SP110: variants seen among roughly 807,000 people sequenced by gnomAD.
The protein encoded by SP110 is interferon-induced protein 41, 30kD.
SP110 carries 62 observed loss-of-function variants against 92.7 expected under a neutral mutation model. The observed-to-expected ratio is 0.67, with a 90% CI of 0.55 to 0.83. The LOEUF (loss-of-function observed/expected upper bound fraction) is 0.83, where lower values mean the gene tolerates loss of function less well. Among genes scored for constraint, SP110 ranks in the 40% least tolerant of loss-of-function variants. The probability of loss-of-function intolerance (pLI) is 0.00; values close to 1 mark genes in which losing one functional copy is unlikely to be tolerated. For missense variants in SP110, 793 were observed against 863.9 expected (o/e 0.92, Z 1.03); for synonymous variants, 273 against 305.3 (o/e 0.89, Z 1.10).
At chr2:230,169,372 C>T (rs2078372825) in intron 18 of SP110, 135 bp from the exon 19 acceptor site, 2 of 686,778 alleles carry the variant, frequency 2.9e-6, no homozygotes, top group African/African-American at 1.8e-5. Context: ...GCAGTGGCAC[C>T]GTCATGGCTC....
intron 6 of SP110, 48 bp from the exon 7 acceptor site, chr2:230,210,056 G>T: frequency 8.6e-7 from 1 of 1,164,158 alleles, no homozygotes. Flanking sequence ...CCAGTGAAGA[G>T]AAAGTGCTGA....
At chr2:230,224,662 T>A (rs1445082504), upstream of SP110, among the ~76,000 whole-genome samples, 2 of 152,346 alleles carry the variant, frequency 1.3e-5, no homozygotes, top group East Asian at 3.9e-4. Context: ...TCTTGCACTC[T>A]GTATTTTGCA....
chr2:230,179,399 G>C (rs1177072786), intron 12 of SP110, among the ~76,000 whole-genome samples: 1 of 151,222 alleles, frequency 6.6e-6, no homozygotes, highest in Non-Finnish European at 1.5e-5. Context: ...CTTGCATGGA[G>C]TGGCCAGCTC....
Position 230,172,844 on chromosome 2 carries a change from C to G in SP110, c.1706G>C (p.Arg569Thr), listed in dbSNP as rs747551994. 20 of 1,607,590 alleles carry G rather than the reference C, an allele frequency of 1.2e-5. No individual in the cohort carries two copies. In the East Asian group the frequency reaches 4.2e-4, roughly 34 times the overall value. The change falls in exon 15 of 19, where the codon AGG becomes ACG. Residue 569 changes from arginine to threonine, a missense_variant and splice_region_variant. Transcript: ENST00000258381. ...CGAGGCGGGGCTGCATCCCACTCAC[C>G]TCTTGGCTTCCACAGGGGGGATGTG... ...DCHIPPVEAK[R>T]MLWSCTFCRM...
rs760384835 is a variant in SP110 at position 230,171,750 on chromosome 2, G to C, written c.1833C>G (p.Leu611=). ...TTTGTGGATGACAGTAGGCCTTCAA[G>C]AGGAGGAACTCACATTTCTGTAAAA... ...PQDQLKCEFL[L]LKAYCHPQSS... Residue 611 remains leucine, a synonymous_variant, in exon 17 of 19, where the codon CTC becomes CTG. Coordinates refer to ENST00000258381, the MANE Select transcript of SP110 (RefSeq NM_080424.4). The C allele has an allele frequency of 6.2e-7, 1 of 1,613,100 alleles. No individual in the cohort carries two copies. Among genetic ancestry groups the C allele is most frequent in the South Asian group, 1.1e-5 (1 of 91,056 alleles).
At chr2:230,205,950 A>C (rs1249741886) in intron 8 of SP110, among the ~76,000 whole-genome samples, 1 of 152,128 alleles carries the variant, frequency 6.6e-6, no homozygotes, top group South Asian at 2.1e-4. Flanking sequence ...GCCCATAGAG[A>C]ATACACATAA....
intron 7 of SP110, 70 bp downstream of exon 7, chr2:230,209,861 A>G: frequency 2.2e-6 from 2 of 894,690 alleles, no homozygotes; most frequent in Non-Finnish European, 1.9e-6. Context: ...TTGACAAGAT[A>G]CAGTCAGAAA....
At position 230,166,437 on chromosome 2, in the gene SP110, G is replaced by A. The variant is rs371168291; in HGVS notation, c.*2687C>T. On this transcript the variant is annotated 3_prime_UTR_variant, in exon 19 of 19. Coordinates refer to ENST00000258381, the MANE Select transcript of SP110 (RefSeq NM_080424.4). ...AAATTTTACAAGTTATTTTACCGAG[G>A]TAGGATAACCGTAAATCTGACTATG... Among the ~76,000 whole-genome samples the A allele has an allele frequency of 6.6e-6, 1 of 152,246 alleles. No individual in the cohort carries two copies. Among genetic ancestry groups the A allele is most frequent in the African/African-American group, 2.4e-5 (1 of 41,536 alleles).
intron 1 of SP110, among the ~76,000 whole-genome samples, chr2:230,218,913 T>C (rs181787379): frequency 2.6e-5 from 4 of 152,184 alleles, no homozygotes; most frequent in Admixed American, 6.5e-5. Context: ...ACGATAAGCA[T>C]GTTAACTAGC....
chr2:230,206,703 C>T (rs1233144776), intron 8 of SP110, among the ~76,000 whole-genome samples: 2 of 144,238 alleles, frequency 1.4e-5, no homozygotes, highest in African/African-American at 5.1e-5. Context: ...CCTGATTTCT[C>T]AGTGTTCCTG....
intron 11 of SP110, 75 bp downstream of exon 11, chr2:230,185,919 A>G (rs1221388339): frequency 1.6e-6 from 2 of 1,279,606 alleles, no homozygotes; most frequent in African/African-American, 1.5e-5. Context: ...TTACATATCT[A>G]TCTGACCCTG....
Position 230,166,822 on chromosome 2 carries a change from T to C in SP110, c.*2302A>G, listed in dbSNP as rs2078317492. ...ATTAGAGGTGTATCATACATATAAA[T>C]CATGTATCAAGGAAAATTTCCTGCC... On this transcript the variant is annotated 3_prime_UTR_variant, in exon 19 of 19. Coordinates refer to ENST00000258381, the MANE Select transcript of SP110 (RefSeq NM_080424.4). Among the ~76,000 whole-genome samples, 1 of 152,122 alleles carries C rather than the reference T, an allele frequency of 6.6e-6. No individual in the cohort carries two copies. The highest frequency in any genetic ancestry group is 6.5e-5 in the Admixed American group (1 of 15,286).
At chr2:230,220,752 C>T (rs1428690125), upstream of SP110, among the ~76,000 whole-genome samples, 1 of 152,106 alleles carries the variant, frequency 6.6e-6, no homozygotes, top group African/African-American at 2.4e-5. Context: ...GCCTATAATC[C>T]CAGGACTTTA....
chr2:230,201,683 G>C (rs1286493029), intron 9 of SP110, among the ~76,000 whole-genome samples: 2 of 152,202 alleles, frequency 1.3e-5, no homozygotes, highest in African/African-American at 4.8e-5. Flanking sequence ...TTGTGTGATT[G>C]AGATACAAGC....
rs2078358164 is a variant in SP110 at position 230,168,946 on chromosome 2, C to A, written c.*178G>T. 18 of 534,684 alleles carry A rather than the reference C, an allele frequency of 3.4e-5. No individual in the cohort carries two copies. The highest frequency in any genetic ancestry group is 3.4e-5 in the Non-Finnish European group (10 of 291,700). 33.1% of individuals were successfully genotyped at this position (534,684 alleles called of 1,614,324 possible). ...TTTTTTTTTTTAGTGTAGATATAGA[C>A]TTTTAAAGGTAAAAAGAAAGAATAA... On this transcript the variant is annotated 3_prime_UTR_variant, in exon 19 of 19. Transcript: ENST00000258381.
chr2:230,188,921 A>G (rs2042483152), intron 10 of SP110, among the ~76,000 whole-genome samples: 1 of 152,062 alleles, frequency 6.6e-6, no homozygotes, highest in Non-Finnish European at 1.5e-5. Flanking sequence ...TTTATTCCCA[A>G]TTTAATCTAG....
chr2:230,194,790 T>C (rs2042789080), intron 10 of SP110, among the ~76,000 whole-genome samples: 1 of 152,200 alleles, frequency 6.6e-6, no homozygotes, highest in African/African-American at 2.4e-5. Flanking sequence ...AATCTCAAAA[T>C]TGTCTGATGC....
chr2:230,196,125 A>G (rs2042860324), intron 10 of SP110, among the ~76,000 whole-genome samples: 1 of 152,206 alleles, frequency 6.6e-6, no homozygotes, highest in South Asian at 2.1e-4. Context: ...AAGGGAATAT[A>G]AATCATTATG....
intron 1 of SP110, chr2:230,219,415 T>C (rs1435116978): frequency 1.3e-5 from 2 of 152,254 alleles, no homozygotes; most frequent in South Asian, 4.1e-4. Context: ...AAACATGTGC[T>C]CCTTTGAATT....
Sources: allele counts gnomAD v4.1 joint callset (sites outside exome capture counted in the v4.1 genomes callset), GRCh38; gene constraint gnomAD v4.1.1; transcripts MANE v1.5; gene names NCBI Gene and HGNC (gene_info 2026-07-23, HGNC 2026-07-21).